DAW1: variants seen among roughly 807,000 people sequenced by gnomAD.
DAW1 encodes the protein dynein assembly factor with WD repeats 1.
A neutral mutation model predicts 56.5 loss-of-function variants in DAW1; 47 were observed. The observed-to-expected ratio is 0.83, with a 90% CI of 0.66 to 1.06. The LOEUF is 1.06. DAW1 is among the 50% of genes least tolerant of loss of function. The pLI, the probability that DAW1 is intolerant of heterozygous loss-of-function variation, is 0.00. For missense variants in DAW1, 505 were observed against 499.3 expected (o/e 1.01, Z -0.11); for synonymous variants, 190 against 179.0 (o/e 1.06, Z -0.49).
At chr2:227,884,705 C>T (rs1691083639) in intron 1 of DAW1, among the ~76,000 whole-genome samples, 2 of 152,116 alleles carry the variant, frequency 1.3e-5, no homozygotes, top group Admixed American at 6.6e-5. Context: ...GGCAGGGAAA[C>T]GCAGGGCTTT....
rs751209401 is a variant in DAW1 at position 227,912,426 on chromosome 2, C to T, written c.973+5174C>T. ...TGTGTTCATCTCTTTGATCACTGGA[C>T]GTGATGCTAAACTATGCCTGTGTCA... On this transcript the variant is annotated intron_variant, in intron 10 of 12. Transcript: ENST00000309931. 5.1e-5 allele frequency: 66 copies of T among 1,304,698 alleles called. No individual in the cohort carries two copies. In the East Asian group the frequency reaches 1.2e-3, roughly 23 times the overall value. The allele number at this position is 1,304,698 out of a possible 1,614,324, so 80.8% of individuals were successfully genotyped here.
intron 5 of DAW1, among the ~76,000 whole-genome samples, chr2:227,896,254 C>A (rs983070478): frequency 2.0e-5 from 3 of 152,134 alleles, no homozygotes; most frequent in Non-Finnish European, 4.4e-5. Flanking sequence ...ATAAATGACA[C>A]TATTTTACAT....
intron 10 of DAW1, among the ~76,000 whole-genome samples, chr2:227,917,138 A>ATCTGTCTG (rs1376270469): frequency 1.6e-3 from 158 of 98,134 alleles, no homozygotes; most frequent in East Asian, 5.0e-3. Context: ...CTATCTATCT[A>ATCTGTCTG]TCTATCTGTC....
chr2:227,917,240 T>C (rs1345301653), intron 10 of DAW1, among the ~76,000 whole-genome samples: 1 of 150,928 alleles, frequency 6.6e-6, no homozygotes, highest in Non-Finnish European at 1.5e-5. Context: ...TTATTGGAAT[T>C]ATTCTGAAGG....
Position 227,897,310 on chromosome 2 carries a change from C to A in DAW1, c.441-872C>A, listed in dbSNP as rs1471483113. Among the ~76,000 whole-genome samples the A allele has an allele frequency of 2.0e-5, 3 of 151,840 alleles. No individual in the cohort carries two copies. The South Asian group carries it at 6.3e-4, about 32-fold the overall frequency. On this transcript the variant is annotated intron_variant, in intron 5 of 12. Transcript: ENST00000309931. ...GGCACTTTGCTTTAGTCTGAGAGAC[C>A]ACCTAGACACTATAGAAATATGGGT... is the stretch of plus-strand genomic sequence containing the variant.
intron 1 of DAW1, among the ~76,000 whole-genome samples, chr2:227,882,018 G>T (rs966809104): frequency 4.6e-5 from 7 of 152,016 alleles, no homozygotes; most frequent in Admixed American, 2.0e-4. Context: ...TCCCAAAGTG[G>T]TGGGATTACA....
chr2:227,899,915 C>T (rs1042661724), intron 6 of DAW1, among the ~76,000 whole-genome samples: 2 of 152,148 alleles, frequency 1.3e-5, no homozygotes, highest in African/African-American at 2.4e-5. Context: ...TATTTATGTA[C>T]ACCTTAAAAC....
At chr2:227,893,455 C>T (rs1371458404) in intron 4 of DAW1, among the ~76,000 whole-genome samples, 1 of 152,044 alleles carries the variant, frequency 6.6e-6, no homozygotes, top group Non-Finnish European at 1.5e-5. Context: ...CACTTAAGGT[C>T]AGTAGTTCAA....
intron 2 of DAW1, chr2:227,889,598 A>G (rs1200035672): frequency 3.5e-6 from 1 of 288,290 alleles, no homozygotes; most frequent in Admixed American, 5.2e-5. Flanking sequence ...CTCTTGGCAC[A>G]CCCTCCATGA....
rs575616089 is a variant in DAW1, at chr2:227,893,617, C to T, written c.318-178C>T. Among the ~76,000 whole-genome samples, 6 of 149,976 alleles carry T rather than the reference C, an allele frequency of 4.0e-5. No individual in the cohort carries two copies. The South Asian group carries it at 6.4e-4, about 16-fold the overall frequency. ...AACCTGTGAGGTAGAGGTTGCAGTG[C>T]GCCGAGATCACGCCATTGCACTCCA... On this transcript the variant is annotated intron_variant, in intron 4 of 12. Coordinates refer to ENST00000309931, the MANE Select transcript of DAW1 (RefSeq NM_178821.3).
chr2:227,907,132 T>C lies in DAW1; in HGVS notation c.859-6T>C. On this transcript the variant is annotated splice_polypyrimidine_tract_variant and splice_region_variant and intron_variant, in intron 9 of 12. Transcript: ENST00000309931. The stretch of plus-strand genomic sequence containing the variant: ...TTTTTTTTGTTTTTTGTTCTTTTAA[T>C]TGTAGCTGTGGGATGCTACAAATGG... The C allele has an allele frequency of 1.3e-6, 2 of 1,593,716 alleles. No individual in the cohort carries two copies. The highest frequency in any genetic ancestry group is 1.4e-5 in the African/African-American group (1 of 73,598).
intron 1 of DAW1, among the ~76,000 whole-genome samples, chr2:227,884,848 G>A (rs1184089633): frequency 1.3e-5 from 2 of 152,188 alleles, no homozygotes; most frequent in Non-Finnish European, 2.9e-5. Context: ...GGAGGTCCCA[G>A]GACTTTGTTG....
chr2:227,924,056 T>TA lies in DAW1; in HGVS notation c.*89dup. Reference sequence around the variant, plus strand: ...AGACAGCAGCTCTCTTAATATTTCTTATACTTTCTCTTTTTCTGCAAGTCA... The same window carrying TA: ...AGACAGCAGCTCTCTTAATATTTCTTAATACTTTCTCTTTTTCTGCAAGTCA... On this transcript the variant is annotated 3_prime_UTR_variant, in exon 13 of 13. Coordinates refer to ENST00000309931, the MANE Select transcript of DAW1 (RefSeq NM_178821.3). 6.8e-7 allele frequency: 1 copy of TA among 1,479,966 alleles called. No individual in the cohort carries two copies. Among genetic ancestry groups the TA allele is most frequent in the South Asian group, 1.2e-5 (1 of 84,294 alleles). The allele number at this position is 1,479,966 out of a possible 1,614,324, so 91.7% of individuals were successfully genotyped here. A position where few individuals can be genotyped will look rare whatever the true frequency, so the allele number is the denominator to read the frequency against.
chr2:227,910,119 ATGACAAT>A (rs1691779829), intron 10 of DAW1, among the ~76,000 whole-genome samples: 1 of 152,102 alleles, frequency 6.6e-6, no homozygotes, highest in East Asian at 1.9e-4. Flanking sequence ...ATATTGTACT[ATGACAAT>A]TTCCTTGATG....
intron 1 of DAW1, among the ~76,000 whole-genome samples, chr2:227,879,818 T>G (rs1690969194): frequency 6.6e-6 from 1 of 152,120 alleles, no homozygotes; most frequent in Non-Finnish European, 1.5e-5. Context: ...ATTACATCAT[T>G]TATTGAACAA....
At chr2:227,916,467 T>G (rs1241517782) in intron 10 of DAW1, among the ~76,000 whole-genome samples, 2 of 152,106 alleles carry the variant, frequency 1.3e-5, no homozygotes, top group African/African-American at 4.8e-5. Context: ...GTCATTCTCT[T>G]TGATAGTCAC....
intron 12 of DAW1, among the ~76,000 whole-genome samples, chr2:227,922,284 G>A (rs1418386121): frequency 1.3e-5 from 2 of 152,220 alleles, no homozygotes; most frequent in Non-Finnish European, 2.9e-5. Context: ...CCCTGCTAAA[G>A]CACTAATGTC....
chr2:227,889,314 T>C (rs778646845), intron 2 of DAW1, among the ~76,000 whole-genome samples: 8 of 152,152 alleles, frequency 5.3e-5, no homozygotes, highest in South Asian at 4.1e-4. Context: ...CCCTACAAGT[T>C]TGGCATCTGA....
At chr2:227,879,421 A>C (rs1327376311) in intron 1 of DAW1, among the ~76,000 whole-genome samples, 1 of 152,032 alleles carries the variant, frequency 6.6e-6, no homozygotes, top group Non-Finnish European at 1.5e-5. Flanking sequence ...TTTAAAAATC[A>C]TTTTTGTAGT....
Sources: gnomAD v4.1 joint callset for allele counts (sites outside exome capture counted in the v4.1 genomes callset) on GRCh38, gnomAD v4.1.1 for gene constraint, MANE v1.5 for transcripts, NCBI Gene and HGNC (gene_info 2026-07-23, HGNC 2026-07-21) for gene names.